CSMD1: variants seen among roughly 807,000 people sequenced by gnomAD.
The protein encoded by CSMD1 is CUB and Sushi multiple domains 1, also known as CUB and sushi domain-containing protein 1.
In CSMD1, 213 loss-of-function variants were observed where a neutral mutation model predicts 417.5. The observed-to-expected ratio is 0.51, with a 90% CI of 0.46 to 0.57. The LOEUF is 0.57. CSMD1 is among the 20% of genes least tolerant of loss of function. The probability of loss-of-function intolerance (pLI) is 0.00; values close to 1 mark genes in which losing one functional copy is unlikely to be tolerated. For missense variants in CSMD1, 6,923 were observed against 4,529.7 expected, an observed-to-expected ratio of 1.53 and a Z score of -15.17; for synonymous variants, 2,862 against 1,736.8, an observed-to-expected ratio of 1.65 and a Z score of -16.11.
At chr8:4,083,998 A>G (rs1684228215) in intron 3 of CSMD1, among the ~76,000 whole-genome samples, 1 of 152,162 alleles carries the variant, frequency 6.6e-6, no homozygotes, top group African/African-American at 2.4e-5. Context: ...AATTTACAAG[A>G]AAAAAACAAA....
chr8:4,559,612 T>G (rs1798240285), intron 2 of CSMD1, among the ~76,000 whole-genome samples: 1 of 152,208 alleles, frequency 6.6e-6, no homozygotes, highest in Admixed American at 6.5e-5. Context: ...TATAAAATTA[T>G]AACCTCTATA....
intron 2 of CSMD1, among the ~76,000 whole-genome samples, chr8:4,567,193 G>C (rs1401652800): frequency 1.3e-5 from 2 of 152,102 alleles, no homozygotes; most frequent in Admixed American, 6.6e-5. Flanking sequence ...CATTTATTTG[G>C]TTTATGTCAC....
intron 1 of CSMD1, among the ~76,000 whole-genome samples, chr8:4,962,302 C>G (rs1317338626): frequency 6.6e-6 from 1 of 152,004 alleles, no homozygotes; most frequent in African/African-American, 2.4e-5. Flanking sequence ...CTTGGAACTC[C>G]TGGTCTCAAA....
At chr8:3,644,760 G>C (rs1196154276) in intron 7 of CSMD1, among the ~76,000 whole-genome samples, 1 of 151,970 alleles carries the variant, frequency 6.6e-6, no homozygotes, top group African/African-American at 2.4e-5. Flanking sequence ...CAGAATTGCA[G>C]AATCACAATC....
chr8:4,990,576 G>C (rs867562401), intron 1 of CSMD1, among the ~76,000 whole-genome samples: 3 of 152,250 alleles, frequency 2.0e-5, no homozygotes, highest in Middle Eastern at 3.4e-3. Context: ...TGTTGGTCAA[G>C]CTGGTCTCCT....
At chr8:3,783,705 C>A (rs1005800443) in intron 5 of CSMD1, among the ~76,000 whole-genome samples, 2 of 152,222 alleles carry the variant, frequency 1.3e-5, no homozygotes, top group African/African-American at 4.8e-5. Context: ...CTCCCCTCCC[C>A]TTTGCTCCTG....
At chr8:3,702,647 A>G (rs1284605830) in intron 7 of CSMD1, among the ~76,000 whole-genome samples, 21 of 152,224 alleles carry the variant, frequency 1.4e-4, no homozygotes, top group Admixed American at 1.4e-3. Flanking sequence ...CTTTTCCAAC[A>G]TGGTGAAACC....
chr8:4,422,603 C>T (rs761596725), intron 2 of CSMD1, among the ~76,000 whole-genome samples: 1 of 152,060 alleles, frequency 6.6e-6, no homozygotes, highest in Non-Finnish European at 1.5e-5. Context: ...ACCCTGATCT[C>T]AGACTTTCAG....
At chr8:4,788,998 T>G (rs1797554829) in intron 1 of CSMD1, among the ~76,000 whole-genome samples, 1 of 152,118 alleles carries the variant, frequency 6.6e-6, no homozygotes, top group Admixed American at 6.5e-5. Flanking sequence ...TGGTTAGGAC[T>G]CTCAGCCTTG....
chr8:4,089,892 G>A (rs1800627164), intron 3 of CSMD1, among the ~76,000 whole-genome samples: 1 of 152,118 alleles, frequency 6.6e-6, no homozygotes. Flanking sequence ...GAGCTGTGGG[G>A]TCAGGGACCT....
At chr8:3,537,147 G>A (rs1056867309) in intron 10 of CSMD1, among the ~76,000 whole-genome samples, 4 of 152,058 alleles carry the variant, frequency 2.6e-5, no homozygotes, top group Non-Finnish European at 4.4e-5. Flanking sequence ...GGGACTACAG[G>A]TGCCCGCCAC....
rs148298213 is a variant in CSMD1, at chr8:3,412,544, G to C, written c.1562-2939C>G. Reference sequence around the variant, plus strand: ...TGATACATTATCACACTAGCATGAAGATGTTGAATACATAGGATATCACCA... The same window carrying C: ...TGATACATTATCACACTAGCATGAACATGTTGAATACATAGGATATCACCA... On this transcript the variant is annotated intron_variant, in intron 12 of 69. Transcript: ENST00000635120. Among the ~76,000 whole-genome samples, 102 of 152,236 alleles carry C rather than the reference G, an allele frequency of 6.7e-4. 1 individual carries two copies. The East Asian group carries it at 0.019, about 28-fold the overall frequency.
At chr8:3,794,969 A>C (rs979769959) in intron 5 of CSMD1, among the ~76,000 whole-genome samples, 1 of 151,834 alleles carries the variant, frequency 6.6e-6, no homozygotes, top group African/African-American at 2.4e-5. Flanking sequence ...TATCATGTAT[A>C]GCTATAGATA....
chr8:4,804,984 A>C (rs951612572), intron 1 of CSMD1, among the ~76,000 whole-genome samples: 5 of 152,200 alleles, frequency 3.3e-5, no homozygotes, highest in Admixed American at 2.6e-4. Context: ...CTTCCTGGTA[A>C]ACACATAGGA....
At chr8:3,367,549 A>C (rs1809678699) in intron 19 of CSMD1, among the ~76,000 whole-genome samples, 1 of 152,164 alleles carries the variant, frequency 6.6e-6, no homozygotes, top group African/African-American at 2.4e-5. Context: ...CCTTAATCAA[A>C]ATATTAAAAT....
chr8:3,057,095 T>C (rs933710121), intron 49 of CSMD1, among the ~76,000 whole-genome samples: 9 of 152,164 alleles, frequency 5.9e-5, no homozygotes, highest in African/African-American at 1.7e-4. Flanking sequence ...TACAGAAACT[T>C]CCACAAATAT....
intron 2 of CSMD1, among the ~76,000 whole-genome samples, chr8:4,589,300 G>A (rs1350263181): frequency 6.6e-6 from 1 of 152,150 alleles, no homozygotes; most frequent in Non-Finnish European, 1.5e-5. Context: ...ATGCCAATAA[G>A]AATGATGCCT....
intron 1 of CSMD1, among the ~76,000 whole-genome samples, chr8:4,719,582 A>G (rs1431404279): frequency 1.3e-5 from 2 of 151,654 alleles, no homozygotes; most frequent in Non-Finnish European, 2.9e-5. Context: ...CCTTTCTAAG[A>G]TAGCATAGAA....
intron 3 of CSMD1, among the ~76,000 whole-genome samples, chr8:4,097,324 T>C (rs1801066994): frequency 6.6e-6 from 1 of 152,208 alleles, no homozygotes; most frequent in South Asian, 2.1e-4. Context: ...TTATTTTAAT[T>C]TGCCTCAGTT....
Sources: allele counts gnomAD v4.1 joint callset (sites outside exome capture counted in the v4.1 genomes callset), GRCh38; gene constraint gnomAD v4.1.1; transcripts MANE v1.5; gene names NCBI Gene and HGNC (gene_info 2026-07-23, HGNC 2026-07-21).